The following CCNI variants were observed in gnomAD, a reference collection of about 807,000 sequenced individuals.
CCNI encodes cyclin-I.
In CCNI, 14 loss-of-function variants were observed where a neutral mutation model predicts 34.1. The ratio of observed to expected loss-of-function variants is 0.41; its 90% CI spans 0.27 to 0.64. The LOEUF (loss-of-function observed/expected upper bound fraction) is 0.64. CCNI is among the 30% of genes least tolerant of loss of function. CCNI has a pLI of 0.31. For synonymous variants in CCNI, 154 were observed against 158.4 expected (o/e 0.97, Z 0.21); for missense variants, 385 against 440.5 (o/e 0.87, Z 1.13).
chr4:77,050,714 C>T (rs922826709), intron 6 of CCNI, among the ~76,000 whole-genome samples: 3 of 152,010 alleles, frequency 2.0e-5, no homozygotes, highest in African/African-American at 7.3e-5. Flanking sequence ...CCTGAACTAT[C>T]AAGCTTACAT....
In CCNI at chr4:77,067,579, C is replaced by G. The variant is rs182988894; in HGVS notation, c.-43-1174G>C. 6.0e-4 allele frequency among the ~76,000 whole-genome samples: 91 copies of G among 151,824 alleles called. No homozygotes were observed. In the East Asian group the frequency reaches 0.017, roughly 28 times the overall value. ...TGTAGTGGCTCACTGCAGCCTCGAA[C>G]TCCTGGGTTCAGGTGATCCTCCTGC... On this transcript the variant is annotated intron_variant, in intron 1 of 6. Coordinates refer to ENST00000237654, the MANE Select transcript of CCNI (RefSeq NM_006835.3).
chr4:77,064,258 G>GA (rs1306179712), intron 2 of CCNI, among the ~76,000 whole-genome samples: 1 of 136,012 alleles, frequency 7.4e-6, no homozygotes, highest in East Asian at 1.9e-4. Context: ...AAAAAAAAAA[G>GA]AAATAGGTCA....
rs1364902221 is a variant in CCNI, at chr4:77,058,542, T to TA, written c.207dup (p.Ser70Ter). On this transcript the variant is annotated frameshift_variant, in exon 3 of 7. Transcript: ENST00000237654. LOFTEE classifies it high-confidence loss of function. The stretch of plus-strand genomic sequence containing the variant: ...GCTAAAAACCTATCCAAAAGACTGC[T>TA]AGCCAGAGCAAATGTTTCTGGGTAA... The TA allele has an allele frequency of 6.2e-7, 1 of 1,613,676 alleles. No homozygotes were observed. Among genetic ancestry groups the TA allele is most frequent in the African/African-American group, 1.3e-5 (1 of 75,012 alleles).
intron 1 of CCNI, among the ~76,000 whole-genome samples, chr4:77,073,154 A>G (rs1004880216): frequency 2.0e-5 from 3 of 152,240 alleles, no homozygotes; most frequent in East Asian, 3.8e-4. Context: ...AAAGCAAGAA[A>G]TAACAAAAGA....
intron 1 of CCNI, among the ~76,000 whole-genome samples, chr4:77,068,842 A>C (rs1318545054): frequency 6.6e-6 from 1 of 151,884 alleles, no homozygotes; most frequent in Non-Finnish European, 1.5e-5. Flanking sequence ...CCTATGTACC[A>C]CTCCACATAT....
chr4:77,052,189 GC>G (rs1424537384), intron 6 of CCNI, among the ~76,000 whole-genome samples: 3 of 146,800 alleles, frequency 2.0e-5, no homozygotes, highest in African/African-American at 5.0e-5. Flanking sequence ...CCAACGTTTA[GC>G]TCCCACTTGT....
At chr4:77,054,995 T>TA (rs1378854389) in intron 6 of CCNI, among the ~76,000 whole-genome samples, 155 bp downstream of exon 6, 1 of 152,240 alleles carries the variant, frequency 6.6e-6, no homozygotes, top group Non-Finnish European at 1.5e-5. Flanking sequence ...AGAGATCACC[T>TA]AGCCCGTAAA....
intron 6 of CCNI, among the ~76,000 whole-genome samples, chr4:77,049,824 A>G (rs1253652395): frequency 6.6e-6 from 1 of 152,148 alleles, no homozygotes; most frequent in Non-Finnish European, 1.5e-5. Context: ...TTTTATCCCT[A>G]AGTTTCTGGC....
At chr4:77,065,254 C>T (rs771178638) in intron 2 of CCNI, among the ~76,000 whole-genome samples, 3 of 152,142 alleles carry the variant, frequency 2.0e-5, no homozygotes, top group Non-Finnish European at 2.9e-5. Flanking sequence ...AAACAACACA[C>T]GAGGAACTTA....
At chr4:77,056,555 C>A in intron 3 of CCNI, 1 of 451,044 alleles carries the variant, frequency 2.2e-6, no homozygotes, top group South Asian at 3.0e-5. Context: ...AAGGAAAGTA[C>A]ACTTGCAAGA....
chr4:77,067,500 A>C (rs916697595), intron 1 of CCNI, among the ~76,000 whole-genome samples: 1 of 152,026 alleles, frequency 6.6e-6, no homozygotes, highest in Admixed American at 6.5e-5. Flanking sequence ...TTTTATGTTT[A>C]TATGTATTTG....
chr4:77,052,905 A>G (rs575222763), intron 6 of CCNI, among the ~76,000 whole-genome samples: 10 of 152,308 alleles, frequency 6.6e-5, no homozygotes, highest in South Asian at 6.2e-4. Context: ...ACAAGTCCCA[A>G]AAGTCTCTAC....
intron 2 of CCNI, chr4:77,064,729 G>A (rs890180465): frequency 6.6e-6 from 1 of 151,262 alleles, no homozygotes; most frequent in African/African-American, 2.4e-5. Flanking sequence ...GTTCAGGCTG[G>A]AGTGCAGTGA....
At chr4:77,067,263 T>C (rs1729102882) in intron 1 of CCNI, among the ~76,000 whole-genome samples, 1 of 151,916 alleles carries the variant, frequency 6.6e-6, no homozygotes, top group Admixed American at 6.6e-5. Context: ...AAAAAATGTA[T>C]TTCTTCAGTC....
intron 2 of CCNI, among the ~76,000 whole-genome samples, chr4:77,059,084 T>C (rs910548978): frequency 1.3e-5 from 2 of 152,028 alleles, no homozygotes; most frequent in Admixed American, 1.3e-4. Flanking sequence ...GATAGCCCAT[T>C]TGAAAAACTA....
Position 77,058,827 on chromosome 4 carries a change from C to T in CCNI, c.115-192G>A, listed in dbSNP as rs181393206. Among the ~76,000 whole-genome samples, 11 of 152,248 alleles carry T rather than the reference C, an allele frequency of 7.2e-5. No individual in the cohort carries two copies. The South Asian group carries it at 1.2e-3, about 17-fold the overall frequency. On this transcript the variant is annotated intron_variant, in intron 2 of 6. Coordinates refer to ENST00000237654, the MANE Select transcript of CCNI (RefSeq NM_006835.3). ...GTATTATCACATTTAATATCAATAT[C>T]CAATATTCTCCTACTCTTTATTAAA...
In CCNI at chr4:77,056,276, T is replaced by A. The variant is rs1323304337; in HGVS notation, c.291A>T (p.Leu97=). 2.5e-5 allele frequency: 40 copies of A among 1,613,704 alleles called. No homozygotes were observed. The East Asian group carries it at 8.7e-4, about 35-fold the overall frequency. Residue 97 remains leucine, a synonymous_variant, in exon 4 of 7, where the codon CTA becomes CTT. Transcript: ENST00000237654. ...CATCTTCCTCAACAGTCTTGGCAGC[T>A]AGGAAAAAACAGCTGATTGCAATAC... The part of the protein sequence containing the change: ...LSCIAISCFF[L]AAKTVEEDER...
At position 77,048,291 on chromosome 4, in the gene CCNI, A is replaced by C; in HGVS notation, c.1062T>G (p.Cys354Trp). 1 of 1,614,170 alleles carries C rather than the reference A, an allele frequency of 6.2e-7. No individual in the cohort carries two copies. The highest frequency in any genetic ancestry group is 8.5e-7 in the Non-Finnish European group (1 of 1,180,006). The change falls in exon 7 of 7, where the codon TGT becomes TGG. Residue 354 changes from cysteine (C) to tryptophan (W), a missense_variant. By Grantham distance (215) the Cys-to-Trp change is radical. This residue lies in a region of CCNI where 250 missense variants were observed against 248.7 expected (regional missense o/e 1.01). Coordinates refer to ENST00000237654, the MANE Select transcript of CCNI (RefSeq NM_006835.3). Reference protein sequence around the residue: ...DNVSENVGSVCGTDLSRQEGH... With the variant: ...DNVSENVGSVWGTDLSRQEGH... ...CCTCTTGTCTTGATAAATCAGTGCC[A>C]CACACAGAACCCACATTTTCTGAGA...
At position 77,075,721 on chromosome 4, in the gene CCNI, A is replaced by G. The variant is rs1729902884; in HGVS notation, c.-293T>C. The G allele has an allele frequency of 3.9e-6, 1 of 255,332 alleles. No homozygotes were observed. Among genetic ancestry groups the G allele is most frequent in the Admixed American group, 6.5e-5 (1 of 15,380 alleles). 15.8% of individuals were successfully genotyped at this position (255,332 alleles called of 1,614,324 possible). On this transcript the variant is annotated 5_prime_UTR_variant, in exon 1 of 7. Coordinates refer to ENST00000237654, the MANE Select transcript of CCNI (RefSeq NM_006835.3). ...GGTCGGTCAGCGAATTAGTTCCATG[A>G]TGACCCCCGGCCTGAGGCCGCCGCC...
Sources: gnomAD v4.1 joint callset for allele counts (sites outside exome capture counted in the v4.1 genomes callset) on GRCh38, gnomAD v4.1.1 for gene constraint, gnomAD v4.1.1 regional missense constraint, MANE v1.5 for transcripts, NCBI Gene and HGNC (gene_info 2026-07-23, HGNC 2026-07-21) for gene names.